Variants in PPP6R2 observed in about 807,000 individuals in gnomAD.
PPP6R2 encodes protein phosphatase 6 regulatory subunit 2.
PPP6R2 carries 62 observed loss-of-function variants against 100.2 expected under a neutral mutation model. The observed-to-expected ratio is 0.62, with a 90% confidence interval of 0.50 to 0.76. PPP6R2 has a LOEUF of 0.76. Ranked by LOEUF, PPP6R2 falls within the 30% of genes least tolerant of loss-of-function variation. The pLI, the probability that PPP6R2 is intolerant of heterozygous loss-of-function variation, is 0.00. For synonymous variants in PPP6R2, 525 were observed against 514.7 expected (o/e 1.02, Z -0.27); for missense variants, 1,142 against 1,276.3 (o/e 0.89, Z 1.60).
chr22:50,377,089 T>C (rs2051762859), intron 2 of PPP6R2, among the ~76,000 whole-genome samples: 1 of 152,020 alleles, frequency 6.6e-6, no homozygotes, highest in Non-Finnish European at 1.5e-5. Context: ...TAAGAAACAG[T>C]AAAAGGTGAT....
upstream of PPP6R2, among the ~76,000 whole-genome samples, chr22:50,340,264 GT>G: frequency 7.7e-6 from 1 of 130,536 alleles, no homozygotes; most frequent in African/African-American, 2.9e-5. Flanking sequence ...GAGGGTGTGT[GT>G]GGTGTGTGTG....
intron 3 of PPP6R2, among the ~76,000 whole-genome samples, chr22:50,402,201 C>G (rs903658203): frequency 2.4e-4 from 36 of 152,020 alleles, no homozygotes; most frequent in Non-Finnish European, 7.4e-5. Context: ...TTAGAGGCCA[C>G]TAGTTGACTT....
chr22:50,351,640 G>GT (rs1569257440), intron 1 of PPP6R2, among the ~76,000 whole-genome samples: 1 of 151,794 alleles, frequency 6.6e-6, no homozygotes, highest in Non-Finnish European at 1.5e-5. Context: ...TTTGTTTTTT[G>GT]TTTTTTGTTT....
At chr22:50,402,077 T>C (rs1358869200) in intron 3 of PPP6R2, among the ~76,000 whole-genome samples, 3 of 152,134 alleles carry the variant, frequency 2.0e-5, no homozygotes, top group Non-Finnish European at 4.4e-5. Flanking sequence ...TCTCTACACT[T>C]GCTCTCCTCC....
chr22:50,354,788 ACTCT>A (rs1009363048), intron 1 of PPP6R2, among the ~76,000 whole-genome samples: 3 of 150,524 alleles, frequency 2.0e-5, no homozygotes, highest in Admixed American at 6.7e-5. Context: ...TGACAGTGAG[ACTCT>A]CTCTCGTACA....
intron 22 of PPP6R2, chr22:50,443,554 G>C (rs532780319): frequency 1.3e-4 from 49 of 391,566 alleles, no homozygotes; most frequent in African/African-American, 9.6e-4. Context: ...CTGAAGTTGA[G>C]ATCATAGCAC....
At chr22:50,370,533 C>G (rs921003868) in intron 1 of PPP6R2, among the ~76,000 whole-genome samples, 1 of 151,786 alleles carries the variant, frequency 6.6e-6, no homozygotes, top group Non-Finnish European at 1.5e-5. Context: ...GTGATCCACC[C>G]GCCTTGGCCT....
upstream of PPP6R2, among the ~76,000 whole-genome samples, chr22:50,339,880 TGTGTGTGTGGG>T (rs2042351972): frequency 1.5e-5 from 1 of 66,430 alleles, no homozygotes; most frequent in Non-Finnish European, 3.0e-5. Flanking sequence ...TGTGGTGTGG[TGTGTGTGTGGG>T]GTGTGTGGTG....
upstream of PPP6R2, among the ~76,000 whole-genome samples, chr22:50,339,794 TGTGGG>T (rs2042349889): frequency 1.1e-5 from 1 of 88,668 alleles, no homozygotes; most frequent in African/African-American, 7.2e-5. Context: ...GTGTGGTGTG[TGTGGG>T]GTATGTGTGT....
At chr22:50,405,404 GAAGGCCTGGAGAGAGGTGA>G (rs2058705978) in intron 3 of PPP6R2, among the ~76,000 whole-genome samples, 1 of 140,548 alleles carries the variant, frequency 7.1e-6, no homozygotes, top group African/African-American at 2.7e-5. Flanking sequence ...AGACGAGTGT[GAAGGCCTGGAGAGAGGTGA>G]GAGGCCTGGC....
intron 22 of PPP6R2, 70 bp from the exon 23 acceptor site, chr22:50,443,796 C>A: frequency 6.7e-7 from 1 of 1,497,824 alleles, no homozygotes; most frequent in South Asian, 1.3e-5. Context: ...TCCAGCTGGT[C>A]CTTGGGCATG....
the PPP6R2 span, among the ~76,000 whole-genome samples, chr22:50,337,406 GATGTGTGGT>G: frequency 2.2e-5 from 3 of 135,150 alleles, no homozygotes; most frequent in African/African-American, 8.3e-5. Flanking sequence ...GTGTGTGTGC[GATGTGTGGT>G]GTGTGTGGGG....
chr22:50,349,883 C>A (rs1218314490), intron 1 of PPP6R2, among the ~76,000 whole-genome samples: 1 of 141,494 alleles, frequency 7.1e-6, no homozygotes, highest in Admixed American at 7.1e-5. Flanking sequence ...TTTGGGAGGC[C>A]GAGGCGGGTG....
chr22:50,444,067 C>T lies in PPP6R2; in HGVS notation c.2781C>T (p.Val927=). 1.2e-6 allele frequency: 2 copies of T among 1,612,762 alleles called. No homozygotes were observed. Among genetic ancestry groups the T allele is most frequent in the Non-Finnish European group, 8.5e-7 (1 of 1,179,456 alleles). ...TCCCCCTAGGGCCCATCATGGCAGT[C>T]ACAGCAGCCCCAGCCATGGTGGCCA... The part of the protein sequence containing the change: ...VAVPLGPIMA[V]TAAPAMVATL... Residue 927 remains valine (V), a synonymous_variant, in exon 23 of 24, where the codon GTC becomes GTT. Coordinates refer to ENST00000612753, the MANE Select transcript of PPP6R2 (RefSeq NM_001242898.2).
chr22:50,418,943 C>G lies in PPP6R2; in HGVS notation c.695C>G (p.Ala232Gly), dbSNP rs758224136. Residue 232 changes from alanine (A) to glycine (G), a missense_variant, in exon 7 of 24, where the codon GCT (alanine) becomes GGT (glycine). Transcript: ENST00000612753. ...GRDQGSQLQEALEPDPLLTAL... is the reference protein window; with the variant it reads ...GRDQGSQLQEGLEPDPLLTAL... ...GACCAGGGCAGTCAGCTGCAAGAGG[C>G]TCTGGAGCCAGACCCGCTCCTCACA... is the stretch of plus-strand genomic sequence containing the variant. 6.2e-7 allele frequency: 1 copy of G among 1,613,802 alleles called. No homozygotes were observed. Among genetic ancestry groups the G allele is most frequent in the South Asian group, 1.1e-5 (1 of 91,070 alleles).
At chr22:50,393,863 G>A (rs2056166854) in intron 2 of PPP6R2, 30 bp from the exon 3 acceptor site, 1 of 1,612,090 alleles carries the variant, frequency 6.2e-7, no homozygotes. Context: ...GCAAGGGTGA[G>A]AGACGTGACC....
the PPP6R2 span, among the ~76,000 whole-genome samples, chr22:50,337,426 T>TA: frequency 7.9e-6 from 1 of 126,024 alleles, no homozygotes; most frequent in Admixed American, 8.2e-5. Context: ...GTGTGTGGGG[T>TA]GTGTGTGTGC....
upstream of PPP6R2, among the ~76,000 whole-genome samples, chr22:50,342,193 A>T (rs975800799): frequency 6.6e-6 from 1 of 152,174 alleles, no homozygotes; most frequent in Non-Finnish European, 1.5e-5. Flanking sequence ...GACCATGGTG[A>T]GGGCAGGAGA....
At chr22:50,352,244 A>C (rs561939980) in intron 1 of PPP6R2, among the ~76,000 whole-genome samples, 1 of 152,140 alleles carries the variant, frequency 6.6e-6, no homozygotes, top group East Asian at 1.9e-4. Flanking sequence ...CCCGGCCGGC[A>C]TTTGCTGTTT....
Sources: gnomAD v4.1 joint callset for allele counts (sites outside exome capture counted in the v4.1 genomes callset) on GRCh38, gnomAD v4.1.1 for gene constraint, MANE v1.5 for transcripts, NCBI Gene and HGNC (gene_info 2026-07-23, HGNC 2026-07-21) for gene names.